Variants in CD44 observed in about 807,000 individuals in gnomAD.
The protein encoded by CD44 is CD44 antigen.
CD44 carries 49 observed loss-of-function variants against 88.8 expected under a neutral mutation model. That is an observed-to-expected ratio of 0.55 (90% CI 0.44 to 0.70). CD44 has a LOEUF of 0.70. Ranked by LOEUF, CD44 falls within the 30% of genes least tolerant of loss-of-function variation. The pLI is 0.00. For missense variants in CD44, 883 were observed against 913.8 expected (o/e 0.97, Z 0.43); for synonymous variants, 325 against 312.3 (o/e 1.04, Z -0.43).
At chr11:35,207,019 A>G (rs569065505) in intron 11 of CD44, among the ~76,000 whole-genome samples, 1 of 152,384 alleles carries the variant, frequency 6.6e-6, no homozygotes, top group Admixed American at 6.5e-5. Flanking sequence ...ACACAATGGT[A>G]TGATGACTCT....
chr11:35,196,767 C>T lies in CD44; in HGVS notation c.689C>T (p.Thr230Ile), dbSNP rs1946797802. 6.2e-7 allele frequency: 1 copy of T among 1,613,632 alleles called. No homozygotes were observed. The highest frequency in any genetic ancestry group is 8.5e-7 in the Non-Finnish European group (1 of 1,179,720). The change falls in exon 6 of 18, where the codon ACA becomes ATA. Residue 230 changes from threonine (T) to isoleucine (I), a missense_variant. Physicochemically the swap from Thr to Ile is moderately conservative, Grantham distance 89. This residue lies in a region of CD44 where 252 missense variants were observed against 322.9 expected (regional missense o/e 0.78). Coordinates refer to ENST00000428726, the MANE Select transcript of CD44 (RefSeq NM_000610.4). ...PATTLMSTSATATETATKRQE... is the reference protein window; with the variant it reads ...PATTLMSTSAIATETATKRQE... ...ACAGCTTTGATGAGCACTAGTGCTA[C>T]AGCAACTGAGACAGCAACCAAGAGG...
At chr11:35,166,454 G>T (rs1214788508) in intron 1 of CD44, among the ~76,000 whole-genome samples, 5 of 151,870 alleles carry the variant, frequency 3.3e-5, no homozygotes, top group Admixed American at 3.3e-4. Context: ...AGGAGACAGG[G>T]ACAGTACTGT....
intron 1 of CD44, 105 bp from the exon 2 acceptor site, chr11:35,176,470 G>T (rs1591064833): frequency 2.0e-6 from 2 of 1,022,578 alleles, no homozygotes; most frequent in South Asian, 1.6e-5. Flanking sequence ...GAGCCACCGC[G>T]CCCGGCCTTA....
chr11:35,207,471 G>T (rs1206310471), intron 11 of CD44, among the ~76,000 whole-genome samples: 1 of 152,214 alleles, frequency 6.6e-6, no homozygotes, highest in Non-Finnish European at 1.5e-5. Context: ...AAGTATTTCA[G>T]TGAAATTTCT....
In CD44 at chr11:35,229,112, A is replaced by AT. The variant is rs1565171843; in HGVS notation, c.2025-11dup. The AT allele has an allele frequency of 1.2e-6, 2 of 1,602,962 alleles. No individual in the cohort carries two copies. Among genetic ancestry groups the AT allele is most frequent in the Non-Finnish European group, 1.7e-6 (2 of 1,171,990 alleles). On this transcript the variant is annotated splice_polypyrimidine_tract_variant and intron_variant, in intron 17 of 17. Transcript: ENST00000428726. ...CACTGCAATCTTTCTGATATGGTAC[A>AT]TTTTTTAAATTATTAGGTGTGGGCA... is the stretch of plus-strand genomic sequence containing the variant.
intron 11 of CD44, among the ~76,000 whole-genome samples, chr11:35,207,273 T>A (rs1947956386): frequency 6.6e-6 from 1 of 152,232 alleles, no homozygotes; most frequent in Non-Finnish European, 1.5e-5. Flanking sequence ...CAGACCTGGG[T>A]ACCCAGTATT....
intron 4 of CD44, among the ~76,000 whole-genome samples, chr11:35,189,156 C>A (rs1040465060): frequency 6.6e-6 from 1 of 152,086 alleles, no homozygotes; most frequent in African/African-American, 2.4e-5. Context: ...TTGTTGAAAC[C>A]ACAGATGTTG....
intron 1 of CD44, among the ~76,000 whole-genome samples, chr11:35,155,453 CT>C (rs1462365487): frequency 6.6e-6 from 1 of 152,118 alleles, no homozygotes; most frequent in African/African-American, 2.4e-5. Context: ...CACCCTCAAC[CT>C]TTTTCTGAAA....
chr11:35,193,783 A>G (rs1315313505), intron 5 of CD44, among the ~76,000 whole-genome samples: 1 of 152,102 alleles, frequency 6.6e-6, no homozygotes, highest in Non-Finnish European at 1.5e-5. Context: ...AACTTTGGCA[A>G]CTCTAGTTTT....
rs760499767 is a variant in CD44 at position 35,221,675 on chromosome 11, C to A, written c.1967C>A (p.Ser656Tyr). 6.2e-7 allele frequency: 1 copy of A among 1,614,088 alleles called. No homozygotes were observed. The highest frequency in any genetic ancestry group is 1.1e-5 in the South Asian group (1 of 91,088). Residue 656 changes from serine to tyrosine, a missense_variant, in exon 17 of 18, where the codon TCC (serine) becomes TAC (tyrosine). This residue lies in a region of CD44 where 631 missense variants were observed against 590.9 expected (regional missense o/e 1.07). Transcript: ENST00000428726. ...QIPEWLIILA[S>Y]LLALALILAV... ...CCAGAATGGCTGATCATCTTGGCAT[C>A]CCTCTTGGCCTTGGCTTTGATTCTT... is the stretch of plus-strand genomic sequence containing the variant.
chr11:35,225,257 T>A (rs1249525582), intron 17 of CD44, among the ~76,000 whole-genome samples: 1 of 152,172 alleles, frequency 6.6e-6, no homozygotes, highest in Non-Finnish European at 1.5e-5. Flanking sequence ...TAAATATCGT[T>A]AAGGATTGTC....
intron 1 of CD44, among the ~76,000 whole-genome samples, chr11:35,167,453 C>T (rs1943421261): frequency 6.6e-6 from 1 of 152,138 alleles, no homozygotes; most frequent in African/African-American, 2.4e-5. Flanking sequence ...AACAACAAAA[C>T]CTTGTCCTTT....
chr11:35,148,497 A>T (rs976801846), intron 1 of CD44, among the ~76,000 whole-genome samples: 2 of 152,214 alleles, frequency 1.3e-5, no homozygotes, highest in Non-Finnish European at 2.9e-5. Flanking sequence ...TTACAATATC[A>T]TTAGAGGTCA....
chr11:35,181,968 T>TA (rs1224530815), intron 3 of CD44, among the ~76,000 whole-genome samples: 1 of 87,184 alleles, frequency 1.1e-5, no homozygotes, highest in Non-Finnish European at 2.2e-5. Context: ...TTTATATATA[T>TA]AAATATTATA....
At chr11:35,218,233 A>G (rs923483934) in intron 15 of CD44, among the ~76,000 whole-genome samples, 2 of 152,116 alleles carry the variant, frequency 1.3e-5, no homozygotes, top group Admixed American at 6.5e-5. Flanking sequence ...GCAGTAGAAA[A>G]TGTTGATTCT....
At chr11:35,207,983 G>A in intron 11 of CD44, 122 bp from the exon 12 acceptor site, 1 of 649,230 alleles carries the variant, frequency 1.5e-6, no homozygotes. Flanking sequence ...GATATAGTCA[G>A]TATGTGCTTT....
At chr11:35,164,661 T>A (rs901860267) in intron 1 of CD44, among the ~76,000 whole-genome samples, 2 of 152,224 alleles carry the variant, frequency 1.3e-5, no homozygotes, top group African/African-American at 4.8e-5. Flanking sequence ...CCCAGTCTCC[T>A]TAGAGTAGGA....
chr11:35,164,539 T>C (rs138936609), intron 1 of CD44, among the ~76,000 whole-genome samples: 4 of 152,206 alleles, frequency 2.6e-5, no homozygotes, highest in Non-Finnish European at 4.4e-5. Context: ...TCTGGTGGAA[T>C]TGGTGGTGAC....
intron 1 of CD44, among the ~76,000 whole-genome samples, chr11:35,145,079 T>C (rs2133044978): frequency 6.6e-6 from 1 of 152,360 alleles, no homozygotes; most frequent in Non-Finnish European, 1.5e-5. Context: ...AGGATCTATG[T>C]GTGTGGTGGG....
Sources: gnomAD v4.1 joint callset for allele counts (sites outside exome capture counted in the v4.1 genomes callset) on GRCh38, gnomAD v4.1.1 for gene constraint, gnomAD v4.1.1 regional missense constraint, MANE v1.5 for transcripts, NCBI Gene and HGNC (gene_info 2026-07-23, HGNC 2026-07-21) for gene names.